FANCB: variants seen among roughly 807,000 people sequenced by gnomAD.
FANCB encodes the protein Fanconi anemia group B protein.
A neutral mutation model predicts 38.9 loss-of-function variants in FANCB; 5 were observed. The ratio of observed to expected loss-of-function variants is 0.13; its 90% CI spans 0.07 to 0.27. The LOEUF is 0.27. FANCB is among the 10% of genes least tolerant of loss of function. The probability of loss-of-function intolerance (pLI) is 1.00; values close to 1 mark genes in which losing one functional copy is unlikely to be tolerated. For synonymous variants in FANCB, 236 were observed against 215.4 expected (o/e 1.10, Z -0.84); for missense variants, 573 against 602.7 (o/e 0.95, Z 0.52).
At chrX:14,823,610 G>T in the FANCB span, among the ~76,000 whole-genome samples, 4 of 110,936 alleles carry the variant, frequency 3.6e-5, no homozygotes, top group South Asian at 1.1e-3. Context: ...CTCTTTACTT[G>T]CCTTCTTTTC....
chrX:14,762,207 G>A, the FANCB span, among the ~76,000 whole-genome samples: 22 of 111,171 alleles, frequency 2.0e-4, no homozygotes, highest in Non-Finnish European at 3.4e-4. Flanking sequence ...GAGATGGGAG[G>A]AAATAAACCC....
intron 2 of FANCB, among the ~76,000 whole-genome samples, chrX:14,867,470 C>T (rs2147453893): frequency 9.0e-6 from 1 of 111,148 alleles, no homozygotes; most frequent in South Asian, 3.7e-4. Flanking sequence ...GTGCCAAGAA[C>T]CACACATTGG....
the FANCB span, among the ~76,000 whole-genome samples, chrX:14,828,306 G>T: frequency 8.9e-6 from 1 of 111,743 alleles, no homozygotes; most frequent in Admixed American, 9.5e-5. Context: ...TTGCTTTCAG[G>T]AAAGATTTCT....
chrX:14,691,703 G>T, the FANCB span, among the ~76,000 whole-genome samples: 1 of 111,792 alleles, frequency 8.9e-6, no homozygotes, highest in African/African-American at 3.3e-5. Flanking sequence ...GACATGCTTG[G>T]AAAGCACTGT....
downstream of FANCB, among the ~76,000 whole-genome samples, chrX:14,841,907 G>A (rs1368237330): frequency 9.1e-6 from 1 of 110,412 alleles, no homozygotes; most frequent in East Asian, 2.8e-4. Flanking sequence ...TAAGCAATAT[G>A]CTATTTTTAG....
chrX:14,750,055 C>T, the FANCB span, among the ~76,000 whole-genome samples: 2 of 111,845 alleles, frequency 1.8e-5, no homozygotes, highest in Non-Finnish European at 3.8e-5. Flanking sequence ...TGTCACAGAA[C>T]GTACAATAAA....
chrX:14,857,965 A>C lies in FANCB; in HGVS notation c.1105-11T>G. Reference sequence around the variant, plus strand: ...ATCTGATGGTTCACTCTAATAAATAAATAAATAAATAAATACACTAAGACT... The same window carrying C: ...ATCTGATGGTTCACTCTAATAAATACATAAATAAATAAATACACTAAGACT... On this transcript the variant is annotated splice_polypyrimidine_tract_variant and intron_variant, in intron 4 of 9. Coordinates refer to ENST00000650831, the MANE Select transcript of FANCB (RefSeq NM_001018113.3). The C allele has an allele frequency of 2.0e-6, 2 of 988,550 alleles. No individual in the cohort carries two copies. The highest frequency in any genetic ancestry group is 2.9e-6 in the Non-Finnish European group (2 of 698,763). 81.5% of individuals were successfully genotyped at this position (988,550 alleles called of 1,213,427 possible).
the FANCB span, among the ~76,000 whole-genome samples, chrX:14,818,045 T>C: frequency 4.7e-4 from 52 of 111,783 alleles, no homozygotes; most frequent in Non-Finnish European, 9.2e-4. Flanking sequence ...TTCAAATATT[T>C]GGAATTTCCC....
At chrX:14,822,008 G>C in the FANCB span, among the ~76,000 whole-genome samples, 3 of 111,843 alleles carry the variant, frequency 2.7e-5, no homozygotes, top group East Asian at 2.8e-4. Context: ...ACCTCACTCT[G>C]CAGTTGGTGC....
the FANCB span, among the ~76,000 whole-genome samples, chrX:14,704,105 T>A: frequency 2.7e-5 from 3 of 112,069 alleles, no homozygotes; most frequent in African/African-American, 9.7e-5. Context: ...TTTTTGTGCC[T>A]AAAGTGTGGA....
the FANCB span, among the ~76,000 whole-genome samples, chrX:14,786,705 T>C: frequency 6.3e-5 from 7 of 110,619 alleles, no homozygotes; most frequent in East Asian, 8.6e-4. Flanking sequence ...AAGAAGCAGA[T>C]TGGGGTAAAA....
At chrX:14,846,628 A>G (rs1376262693) in intron 7 of FANCB, among the ~76,000 whole-genome samples, 1 of 111,733 alleles carries the variant, frequency 8.9e-6, no homozygotes, top group Non-Finnish European at 1.9e-5. Flanking sequence ...CTCCCAGTGG[A>G]AGAAAACAAT....
the FANCB span, among the ~76,000 whole-genome samples, chrX:14,781,172 G>C: frequency 9.1e-6 from 1 of 110,474 alleles, no homozygotes; most frequent in Non-Finnish European, 1.9e-5. Flanking sequence ...GCTCATGCCT[G>C]TAATCCCAAA....
the FANCB span, among the ~76,000 whole-genome samples, chrX:14,754,464 G>A: frequency 0.014 from 1,610 of 111,866 alleles, 26 homozygotes; most frequent in African/African-American, 0.043. Flanking sequence ...AATCTATTAC[G>A]AAAACATAAT....
chrX:14,764,914 C>T, the FANCB span, among the ~76,000 whole-genome samples: 4 of 111,953 alleles, frequency 3.6e-5, no homozygotes, highest in Admixed American at 1.9e-4. Context: ...CCCTTTGGAG[C>T]GCCCCATGTG....
the FANCB span, among the ~76,000 whole-genome samples, chrX:14,819,170 T>C: frequency 8.9e-6 from 1 of 111,916 alleles, no homozygotes; most frequent in Non-Finnish European, 1.9e-5. Context: ...GCAGCTCAGG[T>C]CTAGAAGATG....
chrX:14,863,610 T>C (rs1179094410), intron 3 of FANCB, among the ~76,000 whole-genome samples: 1 of 112,138 alleles, frequency 8.9e-6, no homozygotes, highest in Non-Finnish European at 1.9e-5. Context: ...CAGTGAATAT[T>C]TTAGAACAAT....
intron 6 of FANCB, 26 bp downstream of exon 6, chrX:14,853,013 T>C (rs1419074491): frequency 8.5e-7 from 1 of 1,173,493 alleles, no homozygotes; most frequent in South Asian, 1.8e-5. Context: ...CATAAAATGA[T>C]AAAATGGTCA....
chrX:14,777,834 A>G, the FANCB span, among the ~76,000 whole-genome samples: 33 of 112,194 alleles, frequency 2.9e-4, no homozygotes, highest in Non-Finnish European at 5.4e-4. Flanking sequence ...CGATCTTTCA[A>G]TGACTGCTTC....
Sources: allele counts gnomAD v4.1 joint callset (sites outside exome capture counted in the v4.1 genomes callset), GRCh38; gene constraint gnomAD v4.1.1; transcripts MANE v1.5; gene names NCBI Gene and HGNC (gene_info 2026-07-23, HGNC 2026-07-21).